The following TMEM132D variants were observed in gnomAD, a reference collection of about 807,000 sequenced individuals.
TMEM132D encodes the protein transmembrane protein 132D.
In TMEM132D, 21 loss-of-function variants were observed where a neutral mutation model predicts 62.3. That is an observed-to-expected ratio of 0.34 (90% CI 0.24 to 0.49). The LOEUF (loss-of-function observed/expected upper bound fraction) is 0.49. Ranked by LOEUF, TMEM132D falls within the 20% of genes least tolerant of loss-of-function variation. TMEM132D has a pLI of 0.99. For synonymous variants in TMEM132D, 621 were observed against 575.6 expected, an observed-to-expected ratio of 1.08 and a Z score of -1.13; for missense variants, 1,346 against 1,402.8, an observed-to-expected ratio of 0.96 and a Z score of 0.65.
At chr12:129,885,496 A>T (rs985943089) in intron 1 of TMEM132D, among the ~76,000 whole-genome samples, 2 of 152,210 alleles carry the variant, frequency 1.3e-5, no homozygotes, top group Non-Finnish European at 2.9e-5. Flanking sequence ...TTCTGATGTC[A>T]TTGGTCTACA....
At chr12:129,497,387 A>T (rs1189023824) in intron 3 of TMEM132D, among the ~76,000 whole-genome samples, 1 of 152,172 alleles carries the variant, frequency 6.6e-6, no homozygotes, top group Non-Finnish European at 1.5e-5. Context: ...CTAGCTTGTG[A>T]TAAGTGGCCC....
intron 5 of TMEM132D, among the ~76,000 whole-genome samples, chr12:129,173,937 T>A (rs2055971153): frequency 6.6e-6 from 1 of 152,094 alleles, no homozygotes; most frequent in African/African-American, 2.4e-5. Flanking sequence ...GACACGAATA[T>A]CTCCAAATTG....
chr12:129,084,517 C>A lies in TMEM132D; in HGVS notation c.1629G>T (p.Val543=). The change falls in exon 6 of 9, where the codon GTG becomes GTT. Residue 543 remains valine (V), a synonymous_variant. Transcript: ENST00000422113. ...TELNQIKGWR[V]PIVSSRRPAG... is the part of the protein sequence containing the mutation. ...CCCACCTCCTGCTGGAGACGATGGG[C>A]ACTCTCCAACCCTTGATCTGATTGA... 4 of 1,603,986 alleles carry A rather than the reference C, an allele frequency of 2.5e-6. No individual in the cohort carries two copies. Among genetic ancestry groups the A allele is most frequent in the Non-Finnish European group, 3.4e-6 (4 of 1,175,180 alleles).
chr12:129,589,698 A>G (rs1213137630), intron 2 of TMEM132D, among the ~76,000 whole-genome samples: 1 of 152,184 alleles, frequency 6.6e-6, no homozygotes, highest in Non-Finnish European at 1.5e-5. Context: ...CAGGTGGACC[A>G]AAGCTTATCG....
intron 1 of TMEM132D, among the ~76,000 whole-genome samples, chr12:129,816,597 A>T (rs12578470): frequency 6.6e-6 from 1 of 152,168 alleles, no homozygotes; most frequent in Admixed American, 6.5e-5. Flanking sequence ...ATCTTTGAGC[A>T]TATACAAGAG....
rs11610707 is a variant in TMEM132D, at chr12:129,209,320, G to A, written c.1443+200C>T. 5.0e-3 allele frequency among the ~76,000 whole-genome samples: 768 copies of A among 152,282 alleles called. 2 individuals carry two copies. The highest frequency in any genetic ancestry group is 0.013 in the South Asian group (65 of 4,826). Reference sequence around the variant, plus strand: ...CAGCCTCCCAGACTCGGAGTCACCAGCCAGAGCACTTTTTCATTCTGTCCA... The same window carrying A: ...CAGCCTCCCAGACTCGGAGTCACCAACCAGAGCACTTTTTCATTCTGTCCA... On this transcript the variant is annotated intron_variant, in intron 5 of 8. Coordinates refer to ENST00000422113, the MANE Select transcript of TMEM132D (RefSeq NM_133448.3).
At chr12:129,225,429 T>A (rs377762716) in intron 4 of TMEM132D, among the ~76,000 whole-genome samples, 2 of 152,086 alleles carry the variant, frequency 1.3e-5, no homozygotes, top group African/African-American at 4.8e-5. Flanking sequence ...CACTGTGGAG[T>A]TAAATGAGAT....
chr12:129,132,013 C>T (rs1334754478), intron 5 of TMEM132D, among the ~76,000 whole-genome samples: 1 of 152,216 alleles, frequency 6.6e-6, no homozygotes, highest in African/African-American at 2.4e-5. Context: ...CAGAGATTCA[C>T]TGGGACAAAG....
chr12:129,453,122 T>A (rs1873353524), intron 3 of TMEM132D, among the ~76,000 whole-genome samples: 1 of 152,236 alleles, frequency 6.6e-6, no homozygotes, highest in Admixed American at 6.5e-5. Context: ...TGTGCATTCC[T>A]TATCATAATC....
At chr12:129,206,392 C>T (rs920445013) in intron 5 of TMEM132D, among the ~76,000 whole-genome samples, 10 of 152,096 alleles carry the variant, frequency 6.6e-5, no homozygotes, top group Non-Finnish European at 8.8e-5. Context: ...CAAATCAATA[C>T]CACAATGAGA....
At chr12:129,712,917 G>A (rs12424391) in intron 1 of TMEM132D, among the ~76,000 whole-genome samples, 2,522 of 152,192 alleles carry the variant, frequency 0.017, 103 homozygotes, top group East Asian at 0.13. Context: ...ACAGAAAGGG[G>A]CTGCCAACCC....
rs1874143298 is a variant in TMEM132D at position 129,073,533 on chromosome 12, G to A, written c.*342C>T. On this transcript the variant is annotated 3_prime_UTR_variant, in exon 9 of 9. Coordinates refer to ENST00000422113, the MANE Select transcript of TMEM132D (RefSeq NM_133448.3). ...GCAATATTGAATATTGGAGCCATGT[G>A]GATTTTACAATATCCAAATTGCTTT... is the stretch of plus-strand genomic sequence containing the variant. 4.7e-6 allele frequency: 1 copy of A among 214,004 alleles called. No homozygotes were observed. 13.3% of individuals were successfully genotyped at this position (214,004 alleles called of 1,614,324 possible). A position where few individuals can be genotyped will look rare whatever the true frequency, so the allele number is the denominator to read the frequency against.
chr12:129,389,676 G>A (rs1302802180), intron 3 of TMEM132D, among the ~76,000 whole-genome samples: 3 of 152,212 alleles, frequency 2.0e-5, no homozygotes, highest in Non-Finnish European at 2.9e-5. Flanking sequence ...AATACTAACA[G>A]TCATGCCATG....
chr12:129,156,160 T>A (rs1017052703), intron 5 of TMEM132D, among the ~76,000 whole-genome samples: 2 of 149,626 alleles, frequency 1.3e-5, no homozygotes, highest in African/African-American at 5.0e-5. Context: ...ACACTCCCAA[T>A]ATAAACCAAC....
intron 2 of TMEM132D, among the ~76,000 whole-genome samples, chr12:129,563,245 T>G (rs1877285203): frequency 6.6e-6 from 1 of 152,224 alleles, no homozygotes; most frequent in Non-Finnish European, 1.5e-5. Flanking sequence ...CCGTCTTCTC[T>G]TGTCCATTTT....
At chr12:129,770,979 G>A (rs765147206) in intron 1 of TMEM132D, among the ~76,000 whole-genome samples, 1 of 152,154 alleles carries the variant, frequency 6.6e-6, no homozygotes, top group East Asian at 1.9e-4. Flanking sequence ...CACTGAGTTC[G>A]GAGAGGCACA....
chr12:129,739,208 C>A (rs1474329178), intron 1 of TMEM132D, among the ~76,000 whole-genome samples: 1 of 152,188 alleles, frequency 6.6e-6, no homozygotes, highest in Non-Finnish European at 1.5e-5. Context: ...GCATCCTGCC[C>A]TGCTCTGCTT....
At chr12:129,887,281 G>A (rs1166232936) in intron 1 of TMEM132D, among the ~76,000 whole-genome samples, 2 of 152,096 alleles carry the variant, frequency 1.3e-5, no homozygotes, top group Admixed American at 6.5e-5. Context: ...TTACTCACAC[G>A]TGGCAATCCC....
chr12:129,366,928 C>T (rs1466707146), intron 3 of TMEM132D, among the ~76,000 whole-genome samples: 1 of 152,172 alleles, frequency 6.6e-6, no homozygotes, highest in African/African-American at 2.4e-5. Context: ...GCACTATGCC[C>T]AGTGGGAACG....
Sources: allele counts gnomAD v4.1 joint callset (sites outside exome capture counted in the v4.1 genomes callset), GRCh38; gene constraint gnomAD v4.1.1; transcripts MANE v1.5; gene names NCBI Gene and HGNC (gene_info 2026-07-23, HGNC 2026-07-21).